Variants in LHPP observed in about 807,000 individuals in gnomAD.
LHPP encodes phospholysine phosphohistidine inorganic pyrophosphate phosphatase, also known as hLHPP.
LHPP carries 24 observed loss-of-function variants against 30.3 expected under a neutral mutation model. The ratio of observed to expected loss-of-function variants is 0.79; its 90% confidence interval spans 0.57 to 1.11. LHPP has a LOEUF of 1.11. Ranked by LOEUF, LHPP falls within the 50% of genes most tolerant of loss-of-function variation. The pLI, the probability that LHPP is intolerant of heterozygous loss-of-function variation, is 0.00. For missense variants in LHPP, 356 were observed against 367.2 expected, an observed-to-expected ratio of 0.97 and a Z score of 0.25; for synonymous variants, 150 against 157.1, an observed-to-expected ratio of 0.95 and a Z score of 0.34.
At chr10:124,469,362 T>C (rs541091353) in intron 1 of LHPP, among the ~76,000 whole-genome samples, 48 of 152,086 alleles carry the variant, frequency 3.2e-4, no homozygotes, top group Non-Finnish European at 4.9e-4. Context: ...TCCGATTTTA[T>C]TGAGGGCCAC....
At chr10:124,544,792 G>A (rs142191739) in intron 6 of LHPP, among the ~76,000 whole-genome samples, 12 of 152,354 alleles carry the variant, frequency 7.9e-5, no homozygotes, top group East Asian at 1.9e-4. Flanking sequence ...TTGCAGATGC[G>A]ATGAGGTGGG....
Position 124,526,540 on chromosome 10 carries a change from G to A in LHPP, c.716+9269G>A, listed in dbSNP as rs528251556. The stretch of plus-strand genomic sequence containing the variant: ...TAGCCAAGTGTTGCTGGAGCTCTGA[G>A]CAGGGGCCGGGCCTCACAAAACAAT... On this transcript the variant is annotated intron_variant, in intron 6 of 6. Transcript: ENST00000368842. Among the ~76,000 whole-genome samples the A allele has an allele frequency of 2.0e-5, 3 of 152,348 alleles. No homozygotes were observed. In the East Asian group the frequency reaches 5.8e-4, roughly 29 times the overall value.
Position 124,484,002 on chromosome 10 carries a change from G to A in LHPP, c.126-137G>A. 11 of 732,244 alleles carry A rather than the reference G, an allele frequency of 1.5e-5. 1 individual carries two copies. The South Asian group carries it at 1.8e-4, about 12-fold the overall frequency. 45.4% of individuals were successfully genotyped at this position (732,244 alleles called of 1,614,324 possible). A position where few individuals can be genotyped will look rare whatever the true frequency, so the allele number is the denominator to read the frequency against. ...CCTGAACACATCCTGGATCAGCCAGGACCCCCTCAGGGGCTCGCAGTGGCC... is the reference window on the plus strand; with the variant it reads ...CCTGAACACATCCTGGATCAGCCAGAACCCCCTCAGGGGCTCGCAGTGGCC... On this transcript the variant is annotated intron_variant, in intron 1 of 6. Coordinates refer to ENST00000368842, the MANE Select transcript of LHPP (RefSeq NM_022126.4).
chr10:124,559,736 G>A (rs1294263817), intron 6 of LHPP, among the ~76,000 whole-genome samples: 1 of 152,264 alleles, frequency 6.6e-6, no homozygotes, highest in African/African-American at 2.4e-5. Context: ...CCATGGCTGG[G>A]GAGATCAGTT....
intron 6 of LHPP, among the ~76,000 whole-genome samples, chr10:124,563,955 C>CT (rs1171886490): frequency 8.0e-5 from 12 of 149,080 alleles, no homozygotes; most frequent in South Asian, 2.1e-4. Context: ...ATATTTAACA[C>CT]TTTTTTTTTT....
intron 6 of LHPP, among the ~76,000 whole-genome samples, chr10:124,544,723 C>T (rs1280494957): frequency 2.0e-5 from 3 of 152,210 alleles, no homozygotes; most frequent in South Asian, 4.1e-4. Context: ...TCGGTGTTCT[C>T]GTCTCTGAAG....
chr10:124,498,807 A>G (rs1589797515), intron 5 of LHPP: 1 of 361,104 alleles, frequency 2.8e-6, no homozygotes. Flanking sequence ...TAACCCCCTT[A>G]CTAACCAGGC....
chr10:124,566,418 C>T (rs557959701), intron 6 of LHPP, among the ~76,000 whole-genome samples: 56 of 152,330 alleles, frequency 3.7e-4, no homozygotes, highest in Non-Finnish European at 7.2e-4. Context: ...CTGGTGTCCT[C>T]TGCACTGTCA....
chr10:124,596,679 GGGGACACCATGAAGCT>G lies in LHPP; in HGVS notation c.717-16581_717-16566del, dbSNP rs1454668073. Among the ~76,000 whole-genome samples the G allele has an allele frequency of 6.6e-6, 1 of 152,214 alleles. No homozygotes were observed. The highest frequency in any genetic ancestry group is 1.5e-5 in the Non-Finnish European group (1 of 68,030). On this transcript the variant is annotated intron_variant, in intron 6 of 6. Transcript: ENST00000368842. The surrounding 1 kb of genome is among the most constrained non-coding windows in gnomAD (Gnocchi z 4.6). Reference sequence around the variant, plus strand: ...GAGGAGCAGCCTGGCCTATGAGCAGGGGGACACCATGAAGCTGGGTGGACGGGTGGGGAGGCCCGAC... The same window carrying G: ...GAGGAGCAGCCTGGCCTATGAGCAGGGGGTGGACGGGTGGGGAGGCCCGAC...
intron 5 of LHPP, among the ~76,000 whole-genome samples, chr10:124,507,894 CG>C (rs1397342188): frequency 6.8e-4 from 6 of 8,826 alleles, no homozygotes; most frequent in East Asian, 2.2e-3. Context: ...GATTTCAGGT[CG>C]GGGGGGTAGA....
At position 124,523,084 on chromosome 10, in the gene LHPP, C is replaced by A. The variant is rs533788380; in HGVS notation, c.716+5813C>A. Among the ~76,000 whole-genome samples, 1 of 152,358 alleles carries A rather than the reference C, an allele frequency of 6.6e-6. No homozygotes were observed. The highest frequency in any genetic ancestry group is 6.5e-5 in the Admixed American group (1 of 15,304). ...TCAAAGGCGCCACTGCCTGGGAAGC[C>A]CCTGCGCTAGTCCTGGTGCTGCTGT... On this transcript the variant is annotated intron_variant, in intron 6 of 6. Coordinates refer to ENST00000368842, the MANE Select transcript of LHPP (RefSeq NM_022126.4). The surrounding 1 kb of genome is among the most constrained non-coding windows in gnomAD (Gnocchi z 4.2).
intron 6 of LHPP, among the ~76,000 whole-genome samples, chr10:124,569,199 G>A (rs1948544852): frequency 6.6e-6 from 1 of 152,238 alleles, no homozygotes; most frequent in Non-Finnish European, 1.5e-5. Flanking sequence ...GCTGCTTGTG[G>A]CTTGAGGTGG....
chr10:124,461,826 G>T lies in LHPP; in HGVS notation c.-37G>T. The T allele has an allele frequency of 8.2e-7, 1 of 1,225,492 alleles. No homozygotes were observed. Among genetic ancestry groups the T allele is most frequent in the Non-Finnish European group, 1.0e-6 (1 of 981,100 alleles). 75.9% of individuals were successfully genotyped at this position (1,225,492 alleles called of 1,614,324 possible). ...CGGCCGCGGCGCCGGCGCCGGCGTC[G>T]GTTGGGACGCGGAGCTGAGGAGCAG... is the stretch of plus-strand genomic sequence containing the variant. On this transcript the variant is annotated 5_prime_UTR_variant, in exon 1 of 7. Transcript: ENST00000368842.
At chr10:124,513,131 C>T (rs1485134953) in intron 5 of LHPP, among the ~76,000 whole-genome samples, 1 of 152,016 alleles carries the variant, frequency 6.6e-6, no homozygotes, top group Non-Finnish European at 1.5e-5. Flanking sequence ...CTCTTCTCGC[C>T]CAGGCTGGAG....
In LHPP at chr10:124,510,012, G is replaced by A. The variant is rs1375318632; in HGVS notation, c.625-7168G>A. Among the ~76,000 whole-genome samples, 1 of 152,134 alleles carries A rather than the reference G, an allele frequency of 6.6e-6. No individual in the cohort carries two copies. The highest frequency in any genetic ancestry group is 1.5e-5 in the Non-Finnish European group (1 of 68,018). On this transcript the variant is annotated intron_variant, in intron 5 of 6. Transcript: ENST00000368842. The surrounding 1 kb of genome is among the most constrained non-coding windows in gnomAD (Gnocchi z 4.0). ...TGCGTAAGAGGGAGGATTGACTGCT[G>A]TAGCACCCGACCCAGGACACCTGCC... is the stretch of plus-strand genomic sequence containing the variant.
intron 1 of LHPP, among the ~76,000 whole-genome samples, chr10:124,483,791 C>T (rs1953223978): frequency 6.7e-6 from 1 of 148,352 alleles, no homozygotes; most frequent in Non-Finnish European, 1.5e-5. Context: ...AAAGAAGTGG[C>T]ACAGGTAGAG....
Position 124,564,015 on chromosome 10 carries a change from T to C in LHPP, c.716+46744T>C, listed in dbSNP as rs1156577810. 2.6e-5 allele frequency among the ~76,000 whole-genome samples: 4 copies of C among 152,212 alleles called. No homozygotes were observed. In the East Asian group the frequency reaches 7.7e-4, roughly 29 times the overall value. On this transcript the variant is annotated intron_variant, in intron 6 of 6. Transcript: ENST00000368842. The stretch of plus-strand genomic sequence containing the variant: ...AGGCTGGAGTGCAGTGGTATGATCG[T>C]GGCTCACTGCAACTTCGAACTCCTG...
chr10:124,573,227 C>G (rs966518586), intron 6 of LHPP, among the ~76,000 whole-genome samples: 1 of 152,348 alleles, frequency 6.6e-6, no homozygotes, highest in Middle Eastern at 3.4e-3. Context: ...ATCCAGTTTC[C>G]TCTGTGAACA....
chr10:124,602,785 A>C (rs1411644657), intron 6 of LHPP, among the ~76,000 whole-genome samples: 1 of 152,184 alleles, frequency 6.6e-6, no homozygotes, highest in Non-Finnish European at 1.5e-5. Context: ...CCAGCTCTTC[A>C]CACATCCAGA....
Sources: gnomAD v4.1 joint callset for allele counts (sites outside exome capture counted in the v4.1 genomes callset) on GRCh38, gnomAD v4.1.1 for gene constraint, Gnocchi (gnomAD v3.1) non-coding constraint, MANE v1.5 for transcripts, NCBI Gene and HGNC (gene_info 2026-07-23, HGNC 2026-07-21) for gene names.